The following C9orf85 variants were observed in gnomAD, a reference collection of about 807,000 sequenced individuals.
The protein encoded by C9orf85 is uncharacterized protein C9orf85.
C9orf85 carries 16 observed loss-of-function variants against 14.9 expected under a neutral mutation model. The ratio of observed to expected loss-of-function variants is 1.08; its 90% CI spans 0.73 to 1.63. The LOEUF is 1.63. Ranked by LOEUF, C9orf85 falls within the 40% of genes most tolerant of loss-of-function variation. The pLI, the probability that C9orf85 is intolerant of heterozygous loss-of-function variation, is 0.00. For missense variants in C9orf85, 172 were observed against 186.1 expected, an observed-to-expected ratio of 0.92 and a Z score of 0.44; for synonymous variants, 45 against 56.8, an observed-to-expected ratio of 0.79 and a Z score of 0.93.
chr9:71,959,322 A>T (rs553171621), intron 2 of C9orf85, among the ~76,000 whole-genome samples: 1 of 151,968 alleles, frequency 6.6e-6, no homozygotes, highest in East Asian at 1.9e-4. Flanking sequence ...TTTTTAGTAG[A>T]GACAGGGTTT....
intron 3 of C9orf85, among the ~76,000 whole-genome samples, chr9:71,982,260 A>G (rs1564105226): frequency 6.6e-6 from 1 of 151,778 alleles, no homozygotes; most frequent in Non-Finnish European, 1.5e-5. Flanking sequence ...ATAGCATTCC[A>G]TTGTATGGAC....
chr9:71,944,948 T>C (rs948769123), intron 1 of C9orf85, among the ~76,000 whole-genome samples: 1 of 152,148 alleles, frequency 6.6e-6, no homozygotes, highest in African/African-American at 2.4e-5. Flanking sequence ...CTACTGTTGA[T>C]CCACCCTAAA....
chr9:71,956,941 G>T (rs1420128004), intron 2 of C9orf85, among the ~76,000 whole-genome samples: 6 of 151,946 alleles, frequency 3.9e-5, no homozygotes, highest in Non-Finnish European at 8.8e-5. Flanking sequence ...AAAGGTCTTG[G>T]TTAAAATTGA....
At chr9:71,972,018 C>G (rs905634144) in intron 3 of C9orf85, among the ~76,000 whole-genome samples, 6 of 150,918 alleles carry the variant, frequency 4.0e-5, no homozygotes, top group African/African-American at 1.5e-4. Context: ...GATCCATAAC[C>G]CTTAGACTTA....
chr9:71,969,600 G>A (rs554529110), intron 2 of C9orf85, among the ~76,000 whole-genome samples: 11 of 152,212 alleles, frequency 7.2e-5, no homozygotes, highest in African/African-American at 2.4e-4. Context: ...CATTGATTCT[G>A]TTCTTATTAC....
At chr9:71,960,396 A>T (rs767220919) in intron 2 of C9orf85, among the ~76,000 whole-genome samples, 5 of 152,186 alleles carry the variant, frequency 3.3e-5, no homozygotes, top group Non-Finnish European at 7.3e-5. Context: ...CATGAACAGT[A>T]ATCAAAGTTG....
chr9:71,980,117 G>A (rs1393180025), intron 3 of C9orf85, among the ~76,000 whole-genome samples: 2 of 150,788 alleles, frequency 1.3e-5, no homozygotes, highest in African/African-American at 4.9e-5. Context: ...GGGTTCAAGC[G>A]ATTCTCCTGC....
intron 1 of C9orf85, among the ~76,000 whole-genome samples, chr9:71,923,423 C>T (rs948177687): frequency 1.3e-5 from 2 of 152,150 alleles, no homozygotes; most frequent in African/African-American, 4.8e-5. Flanking sequence ...CATATGCCAC[C>T]ACGCCTGGCT....
intron 1 of C9orf85, among the ~76,000 whole-genome samples, chr9:71,922,139 C>G (rs1329239720): frequency 6.6e-6 from 1 of 151,986 alleles, no homozygotes; most frequent in African/African-American, 2.4e-5. Flanking sequence ...CACGGTTTCA[C>G]CATCTTGGCC....
chr9:71,948,055 T>C (rs985275998), intron 2 of C9orf85, among the ~76,000 whole-genome samples: 1 of 152,248 alleles, frequency 6.6e-6, no homozygotes, highest in African/African-American at 2.4e-5. Flanking sequence ...GGAGAGTAAT[T>C]GCTGCATGAA....
At chr9:71,914,588 T>C (rs1827596682) in intron 1 of C9orf85, among the ~76,000 whole-genome samples, 1 of 152,200 alleles carries the variant, frequency 6.6e-6, no homozygotes, top group African/African-American at 2.4e-5. Context: ...ACAGATGTTT[T>C]ATTGGAAGTT....
intron 1 of C9orf85, among the ~76,000 whole-genome samples, chr9:71,930,913 T>G (rs1828057285): frequency 6.6e-6 from 1 of 152,084 alleles, no homozygotes; most frequent in Non-Finnish European, 1.5e-5. Context: ...CTAGCACATT[T>G]GGTCTGACCT....
chr9:71,970,200 G>A (rs541188373), intron 2 of C9orf85, among the ~76,000 whole-genome samples: 14 of 152,114 alleles, frequency 9.2e-5, no homozygotes, highest in East Asian at 5.8e-4. Flanking sequence ...CACCCACCTC[G>A]CCCTCCCAAA....
chr9:71,956,257 T>G (rs1450354243), intron 2 of C9orf85, among the ~76,000 whole-genome samples: 10 of 147,448 alleles, frequency 6.8e-5, no homozygotes, highest in Non-Finnish European at 1.5e-4. Context: ...TTTTTTTTTT[T>G]TTTTTTTTTT....
At chr9:71,927,384 T>C (rs1827957624) in intron 1 of C9orf85, among the ~76,000 whole-genome samples, 1 of 152,036 alleles carries the variant, frequency 6.6e-6, no homozygotes, top group Admixed American at 6.6e-5. Flanking sequence ...TAAAAATGAT[T>C]GACAATATGG....
At chr9:71,936,965 C>A (rs1380050464) in intron 1 of C9orf85, among the ~76,000 whole-genome samples, 2 of 151,890 alleles carry the variant, frequency 1.3e-5, no homozygotes, top group African/African-American at 4.8e-5. Context: ...CCCTGTGTTG[C>A]CCAGGCTGGT....
At chr9:71,970,445 C>A (rs568756580) in intron 2 of C9orf85, among the ~76,000 whole-genome samples, 1 of 152,104 alleles carries the variant, frequency 6.6e-6, no homozygotes, top group Non-Finnish European at 1.5e-5. Flanking sequence ...CAATTCCTCC[C>A]GGCCAATTTT....
chr9:71,975,406 A>G (rs2132370879), downstream of C9orf85, among the ~76,000 whole-genome samples: 1 of 150,990 alleles, frequency 6.6e-6, no homozygotes, highest in South Asian at 2.1e-4. Context: ...GCGCCATTGC[A>G]CTACAGCCTG....
chr9:71,915,183 A>AT (rs33998724), intron 1 of C9orf85, among the ~76,000 whole-genome samples: 3,514 of 142,776 alleles, frequency 0.025, 120 homozygotes, highest in Admixed American at 0.1. Context: ...TATTATTATT[A>AT]TTTTTTTTTT....
Sources: gnomAD v4.1 joint callset for allele counts (sites outside exome capture counted in the v4.1 genomes callset) on GRCh38, gnomAD v4.1.1 for gene constraint, MANE v1.5 for transcripts, NCBI Gene and HGNC (gene_info 2026-07-23, HGNC 2026-07-21) for gene names.